Variants in COL24A1 observed in about 807,000 individuals in gnomAD.
COL24A1 encodes collagen alpha-1(XXIV) chain.
Under a neutral mutation model 253.9 loss-of-function variants are expected in COL24A1, and 224 were observed. The ratio of observed to expected loss-of-function variants is 0.88; its 90% CI spans 0.79 to 0.99. COL24A1 has a LOEUF of 0.99. Among genes scored for constraint, COL24A1 ranks in the 50% least tolerant of loss-of-function variants. COL24A1 has a pLI of 0.00. For synonymous variants in COL24A1, 685 were observed against 673.7 expected (o/e 1.02, Z -0.26); for missense variants, 2,131 against 2,068.5 (o/e 1.03, Z -0.59).
chr1:85,765,791 CT>C, intron 53 of COL24A1, among the ~76,000 whole-genome samples: 1 of 152,100 alleles, frequency 6.6e-6, no homozygotes, highest in South Asian at 2.1e-4. Context: ...ATCATTTCTG[CT>C]ATAAGTTAAA....
rs143558693 is a variant in COL24A1 at position 86,147,928 on chromosome 1, G to A, written c.57-1745C>T. Among the ~76,000 whole-genome samples the A allele has an allele frequency of 1.4e-3, 209 of 152,224 alleles. 1 individual carries two copies. The highest frequency in any genetic ancestry group is 4.9e-3 in the African/African-American group (202 of 41,532). On this transcript the variant is annotated intron_variant, in intron 1 of 59. Transcript: ENST00000370571. ...TTCAAACTTTAGTGTGATCAGAATC[G>A]CATGAAGCACTTGTGAGCAATCACT...
intron 47 of COL24A1, among the ~76,000 whole-genome samples, chr1:85,812,763 A>G (rs1448943578): frequency 6.6e-6 from 1 of 152,222 alleles, no homozygotes; most frequent in Non-Finnish European, 1.5e-5. Context: ...TTTAGTGGAT[A>G]TCAGTCAACA....
Position 86,005,857 on chromosome 1 carries a change from T to A in COL24A1, c.2310+11294A>T, listed in dbSNP as rs750308576. The stretch of plus-strand genomic sequence containing the variant: ...AATCCTCCTGGAATGAATAAGCAGT[T>A]ATAGCAAGGTTGTAGGATACAAGGT... On this transcript the variant is annotated intron_variant, in intron 19 of 59. Coordinates refer to ENST00000370571, the MANE Select transcript of COL24A1 (RefSeq NM_152890.7). Among the ~76,000 whole-genome samples, 8 of 152,250 alleles carry A rather than the reference T, an allele frequency of 5.3e-5. No homozygotes were observed. The South Asian group carries it at 1.0e-3, about 20-fold the overall frequency.
intron 48 of COL24A1, among the ~76,000 whole-genome samples, chr1:85,785,700 C>A (rs1669612691): frequency 6.6e-6 from 1 of 152,132 alleles, no homozygotes; most frequent in Non-Finnish European, 1.5e-5. Flanking sequence ...TCTGAAAATT[C>A]TTTAGAAGTG....
intron 37 of COL24A1, among the ~76,000 whole-genome samples, chr1:85,863,590 A>T (rs1436988354): frequency 1.3e-5 from 2 of 152,240 alleles, no homozygotes; most frequent in African/African-American, 4.8e-5. Flanking sequence ...ACAGAAAAAG[A>T]AACTACCATC....
intron 7 of COL24A1, among the ~76,000 whole-genome samples, chr1:86,072,878 G>A (rs892369633): frequency 2.0e-5 from 3 of 152,154 alleles, no homozygotes; most frequent in African/African-American, 7.2e-5. Flanking sequence ...ACCCGCAGCA[G>A]AGGGATCTGA....
chr1:85,929,789 C>G (rs1461469532), intron 24 of COL24A1, among the ~76,000 whole-genome samples: 1 of 150,980 alleles, frequency 6.6e-6, no homozygotes, highest in Non-Finnish European at 1.5e-5. Flanking sequence ...TCAGTCAAAG[C>G]CGCTCAACTA....
intron 2 of COL24A1, among the ~76,000 whole-genome samples, chr1:86,132,974 C>A (rs1025857824): frequency 6.6e-6 from 1 of 151,656 alleles, no homozygotes; most frequent in African/African-American, 2.4e-5. Flanking sequence ...CCCTTTTTCA[C>A]GATATTGATT....
chr1:86,013,173 CA>C (rs1696682272), intron 19 of COL24A1, among the ~76,000 whole-genome samples: 1 of 152,140 alleles, frequency 6.6e-6, no homozygotes, highest in African/African-American at 2.4e-5. Flanking sequence ...ATGTTAACCC[CA>C]AAATTCTGTA....
intron 40 of COL24A1, 82 bp downstream of exon 40, chr1:85,842,258 C>T: frequency 6.0e-6 from 8 of 1,339,722 alleles, no homozygotes; most frequent in Non-Finnish European, 8.4e-6. Flanking sequence ...AGAGAGATTT[C>T]ATCTTAATTT....
chr1:86,075,986 A>G (rs1175831048), intron 7 of COL24A1, among the ~76,000 whole-genome samples: 1 of 152,052 alleles, frequency 6.6e-6, no homozygotes, highest in African/African-American at 2.4e-5. Flanking sequence ...ACCGGCACAA[A>G]ACAAGGATGC....
chr1:86,119,424 G>A (rs754235560), intron 3 of COL24A1, among the ~76,000 whole-genome samples: 6 of 152,144 alleles, frequency 3.9e-5, no homozygotes, highest in Non-Finnish European at 4.4e-5. Context: ...CAACTTCAAA[G>A]AGACAAGAGT....
chr1:86,092,409 ATAC>A, intron 5 of COL24A1, 89 bp from the exon 6 acceptor site: 1 of 879,936 alleles, frequency 1.1e-6, no homozygotes, highest in Non-Finnish European at 1.8e-6. Flanking sequence ...CAGATGTTAT[ATAC>A]ATTATATGGT....
chr1:86,029,087 C>T (rs1029699182), intron 14 of COL24A1, among the ~76,000 whole-genome samples: 1 of 151,980 alleles, frequency 6.6e-6, no homozygotes, highest in Non-Finnish European at 1.5e-5. Context: ...ACTCCTTTTG[C>T]CTACTTCCTT....
chr1:85,838,742 A>G, intron 42 of COL24A1, 104 bp from the exon 43 acceptor site: 1 of 1,005,754 alleles, frequency 9.9e-7, no homozygotes, highest in Non-Finnish European at 1.5e-6. Flanking sequence ...CAAAAATATA[A>G]AACCAAATAT....
intron 12 of COL24A1, among the ~76,000 whole-genome samples, chr1:86,041,603 T>C (rs1699492220): frequency 6.6e-6 from 1 of 152,120 alleles, no homozygotes; most frequent in Non-Finnish European, 1.5e-5. Flanking sequence ...GAGTGAGGTA[T>C]AAGAAATCTA....
chr1:85,906,384 C>T (rs1233774150), intron 28 of COL24A1, among the ~76,000 whole-genome samples: 1 of 149,868 alleles, frequency 6.7e-6, no homozygotes, highest in Non-Finnish European at 1.5e-5. Context: ...TCCTTAAAGC[C>T]CACATATCCA....
chr1:86,072,789 G>A (rs940285946), intron 7 of COL24A1, among the ~76,000 whole-genome samples: 9 of 152,192 alleles, frequency 5.9e-5, no homozygotes, highest in Non-Finnish European at 8.8e-5. Context: ...AGAGGAAGGA[G>A]CAGGCAGCAA....
At chr1:85,806,527 T>C (rs560082891) in intron 47 of COL24A1, among the ~76,000 whole-genome samples, 1 of 152,380 alleles carries the variant, frequency 6.6e-6, no homozygotes, top group Admixed American at 6.5e-5. Context: ...TTACTGTGGC[T>C]GTGTTCCAAT....
Sources: gnomAD v4.1 joint callset for allele counts (sites outside exome capture counted in the v4.1 genomes callset) on GRCh38, gnomAD v4.1.1 for gene constraint, MANE v1.5 for transcripts, NCBI Gene and HGNC (gene_info 2026-07-23, HGNC 2026-07-21) for gene names.